Variants in ABCG2 observed in about 807,000 individuals in gnomAD.
The protein encoded by ABCG2 is ATP binding cassette subfamily G member 2 (JR blood group), also known as broad substrate specificity ATP-binding cassette transporter ABCG2.
A neutral mutation model predicts 73.5 loss-of-function variants in ABCG2; 80 were observed. That is an observed-to-expected ratio of 1.09 (90% CI 0.91 to 1.31). The LOEUF (loss-of-function observed/expected upper bound fraction) is 1.31. ABCG2 is among the 50% of genes most tolerant of loss of function. The pLI is 0.00. For synonymous variants in ABCG2, 269 were observed against 282.4 expected, an observed-to-expected ratio of 0.95 and a Z score of 0.48; for missense variants, 796 against 786.2, an observed-to-expected ratio of 1.01 and a Z score of -0.15.
intron 1 of ABCG2, among the ~76,000 whole-genome samples, chr4:88,172,761 A>C (rs1325314441): frequency 6.6e-6 from 1 of 152,126 alleles, no homozygotes; most frequent in Non-Finnish European, 1.5e-5. Context: ...TTCATAGCCC[A>C]GCCCAAGATG....
chr4:88,180,712 C>T (rs1018468878), intron 1 of ABCG2, among the ~76,000 whole-genome samples: 1 of 151,988 alleles, frequency 6.6e-6, no homozygotes, highest in Non-Finnish European at 1.5e-5. Flanking sequence ...GAGATCATGC[C>T]ACTGCACCCT....
intron 1 of ABCG2, among the ~76,000 whole-genome samples, chr4:88,194,277 A>G (rs1363264884): frequency 2.6e-5 from 4 of 152,138 alleles, no homozygotes; most frequent in Middle Eastern, 6.8e-3. Flanking sequence ...GCGGCCGGGC[A>G]CTGTGGCTCA....
chr4:88,095,742 C>G (rs762706841), intron 13 of ABCG2, 133 bp from the exon 14 acceptor site: 11 of 687,126 alleles, frequency 1.6e-5, no homozygotes, highest in Non-Finnish European at 2.8e-5. Context: ...AAGTTCTCTC[C>G]ACTTACTCAA....
rs372112641 is a variant in ABCG2 at position 88,174,057 on chromosome 4, A to G, written c.-19-34043T>C. 4.6e-5 allele frequency among the ~76,000 whole-genome samples: 7 copies of G among 152,242 alleles called. No homozygotes were observed. The South Asian group carries it at 1.5e-3, about 32-fold the overall frequency. Reference sequence around the variant, plus strand: ...GTTGAAGTGCTATCTTCAATACCTCAGAATGTGACTGTATTTGTAGACAGG... The same window carrying G: ...GTTGAAGTGCTATCTTCAATACCTCGGAATGTGACTGTATTTGTAGACAGG... On this transcript the variant is annotated intron_variant, in intron 1 of 15. Transcript: ENST00000515655.
rs58774529 is a variant in ABCG2, at chr4:88,115,284, A to ATATATATATT, written c.842-227_842-226insAATATATATA. Among the ~76,000 whole-genome samples the ATATATATATT allele has an allele frequency of 6.2e-3, 453 of 72,898 alleles. 24 individuals are homozygous for ATATATATATT. Among genetic ancestry groups the ATATATATATT allele is most frequent in the East Asian group, 0.018 (21 of 1,182 alleles). The allele number at this position is 72,898 out of a possible 152,430, so 47.8% of individuals were successfully genotyped here. A position where few individuals can be genotyped will look rare whatever the true frequency, so the allele number is the denominator to read the frequency against. ...TATATATATATATATATATATATAT[A>ATATATATATT]ATTTATTTATTTATTTTGAGACAGG... On this transcript the variant is annotated intron_variant, in intron 7 of 15. Coordinates refer to ENST00000237612, the MANE Select transcript of ABCG2 (RefSeq NM_004827.3).
rs774159552 is a variant in ABCG2, at chr4:88,094,598, T to A, written c.1799A>T (p.Asn600Ile). 4 of 1,613,900 alleles carry A rather than the reference T, an allele frequency of 2.5e-6. No homozygotes were observed. The African/African-American group carries it at 5.3e-5, about 22-fold the overall frequency. The change falls in exon 15 of 16, where the codon AAC becomes ATC. Residue 600 changes from asparagine to isoleucine, a missense_variant. Coordinates refer to ENST00000237612, the MANE Select transcript of ABCG2 (RefSeq NM_004827.3). Reference protein sequence around the residue: ...NFCPGLNATGNNPCNYATCTG... With the variant: ...NFCPGLNATGINPCNYATCTG... ...TTACGTTGCATAGTTACAAGGATTG[T>A]TTCCTGTTGCATTGAGTCCTGGGCA...
intron 1 of ABCG2, among the ~76,000 whole-genome samples, chr4:88,195,882 C>A (rs1728923536): frequency 2.0e-5 from 3 of 152,152 alleles, no homozygotes; most frequent in African/African-American, 7.2e-5. Context: ...TCTTACTAGT[C>A]AAATGTTCTC....
At chr4:88,186,421 G>A (rs1482060501) in intron 1 of ABCG2, among the ~76,000 whole-genome samples, 1 of 152,140 alleles carries the variant, frequency 6.6e-6, no homozygotes, top group Non-Finnish European at 1.5e-5. Context: ...AGAATCTCTT[G>A]AGTCTGTCTG....
chr4:88,228,346 A>G (rs1464954847), intron 1 of ABCG2, among the ~76,000 whole-genome samples: 1 of 152,164 alleles, frequency 6.6e-6, no homozygotes, highest in East Asian at 1.9e-4. Flanking sequence ...AGATGATGGT[A>G]GAAACCAGAA....
intron 1 of ABCG2, among the ~76,000 whole-genome samples, chr4:88,200,992 G>GA (rs972584320): frequency 6.6e-6 from 1 of 150,392 alleles, no homozygotes; most frequent in East Asian, 1.9e-4. Flanking sequence ...ACATATATTA[G>GA]AAAAAAAAGA....
At chr4:88,179,459 C>G (rs1301452749) in intron 1 of ABCG2, among the ~76,000 whole-genome samples, 1 of 152,102 alleles carries the variant, frequency 6.6e-6, no homozygotes, top group Non-Finnish European at 1.5e-5. Flanking sequence ...ACAAACAGGC[C>G]CAGACTACAA....
chr4:88,179,878 A>C (rs1398077367), intron 1 of ABCG2, among the ~76,000 whole-genome samples: 1 of 152,242 alleles, frequency 6.6e-6, no homozygotes, highest in African/African-American at 2.4e-5. Context: ...GAAAATACAC[A>C]GGCAGAGAAC....
At chr4:88,165,011 C>T (rs1002940904) in intron 1 of ABCG2, among the ~76,000 whole-genome samples, 3 of 152,048 alleles carry the variant, frequency 2.0e-5, no homozygotes, top group Admixed American at 6.6e-5. Flanking sequence ...CTCCTGGCCT[C>T]GAAGGGATCT....
At chr4:88,158,029 T>C (rs1727068454) in intron 1 of ABCG2, among the ~76,000 whole-genome samples, 1 of 152,224 alleles carries the variant, frequency 6.6e-6, no homozygotes, top group Admixed American at 6.5e-5. Flanking sequence ...CTTTAAAATA[T>C]TAACATCAAC....
At chr4:88,163,969 C>G (rs1727414221), upstream of ABCG2, 1 of 153,554 alleles carries the variant, frequency 6.5e-6, no homozygotes, top group African/African-American at 2.4e-5. Context: ...GAGAACTAAC[C>G]ACTGAGCATC....
intron 1 of ABCG2, among the ~76,000 whole-genome samples, chr4:88,143,439 C>A (rs2110061291): frequency 6.6e-6 from 1 of 152,260 alleles, no homozygotes. Context: ...AAATAGCTCA[C>A]TGACTCAAGA....
chr4:88,206,236 T>C (rs1729371281), intron 1 of ABCG2, among the ~76,000 whole-genome samples: 1 of 152,150 alleles, frequency 6.6e-6, no homozygotes, highest in Non-Finnish European at 1.5e-5. Context: ...GAGCTTTGCT[T>C]GAAGCCAGGA....
At chr4:88,226,788 G>C (rs901212536) in intron 1 of ABCG2, 2 of 152,242 alleles carry the variant, frequency 1.3e-5, no homozygotes, top group Admixed American at 6.6e-5. Context: ...TTGGCCCCTG[G>C]GCAAGGATGA....
chr4:88,152,800 T>G (rs933340327), intron 1 of ABCG2, among the ~76,000 whole-genome samples: 1 of 151,922 alleles, frequency 6.6e-6, no homozygotes, highest in South Asian at 2.1e-4. Context: ...TGAAAATTTT[T>G]GGGGGGTGGT....
Sources: gnomAD v4.1 joint callset for allele counts (sites outside exome capture counted in the v4.1 genomes callset) on GRCh38, gnomAD v4.1.1 for gene constraint, MANE v1.5 for transcripts, NCBI Gene and HGNC (gene_info 2026-07-23, HGNC 2026-07-21) for gene names.